NLRP7: variants seen among roughly 807,000 people sequenced by gnomAD.
The protein encoded by NLRP7 is NLR family pyrin domain containing 7, also known as NACHT, LRR and PYD domains-containing protein 7.
Under a neutral mutation model 85.5 loss-of-function variants are expected in NLRP7, and 72 were observed. That is an observed-to-expected ratio of 0.84 (90% CI 0.70 to 1.02). The LOEUF is 1.02. Among genes scored for constraint, NLRP7 ranks in the 50% least tolerant of loss-of-function variants. The probability of loss-of-function intolerance (pLI) is 0.00; values close to 1 mark genes in which losing one functional copy is unlikely to be tolerated. For synonymous variants in NLRP7, 550 were observed against 505.2 expected (o/e 1.09, Z -1.19); for missense variants, 1,243 against 1,219.5 (o/e 1.02, Z -0.29).
chr19:54,930,872 A>G (rs1444536780), intron 8 of NLRP7, among the ~76,000 whole-genome samples: 3 of 151,978 alleles, frequency 2.0e-5, no homozygotes, highest in Non-Finnish European at 2.9e-5. Flanking sequence ...CCCGCCACCT[A>G]TATAACCAGA....
At chr19:54,951,234 C>T (rs117167146), upstream of NLRP7, among the ~76,000 whole-genome samples, 1,304 of 152,254 alleles carry the variant, frequency 8.6e-3, 8 homozygotes, top group Non-Finnish European at 0.013. Context: ...TCTGATCTCT[C>T]TTTCTTTTCC....
intron 1 of NLRP7, 40 bp from the exon 2 acceptor site, chr19:54,941,790 C>T (rs1185586298): frequency 6.8e-7 from 1 of 1,459,996 alleles, no homozygotes; most frequent in Non-Finnish European, 9.3e-7. Context: ...GAGTTACCAT[C>T]ATTAAATGAA....
At position 54,940,927 on chromosome 19, in the gene NLRP7, C is replaced by T. The variant is rs767524057; in HGVS notation, c.352+4G>A. On this transcript the variant is annotated splice_donor_region_variant and intron_variant, in intron 3 of 9. Coordinates refer to ENST00000340844, the Ensembl canonical transcript of NLRP7. ...CTCATGACCATAGGACCGTATTTACCCACCTGGCTTTGCTAACTCCGAGTC... is the reference window on the plus strand; with the variant it reads ...CTCATGACCATAGGACCGTATTTACTCACCTGGCTTTGCTAACTCCGAGTC... The T allele has an allele frequency of 4.4e-6, 7 of 1,588,126 alleles. No individual in the cohort carries two copies. The highest frequency in any genetic ancestry group is 4.3e-6 in the Non-Finnish European group (5 of 1,156,324).
intron 1 of NLRP7, among the ~76,000 whole-genome samples, chr19:54,944,967 C>T (rs1480139101): frequency 1.3e-5 from 2 of 151,720 alleles, no homozygotes; most frequent in South Asian, 2.1e-4. Context: ...TGGCCAGGCA[C>T]GGTGGCTCAC....
At chr19:54,930,796 A>G (rs2068644495) in intron 8 of NLRP7, 130 bp from the exon 9 acceptor site, 1 of 766,306 alleles carries the variant, frequency 1.3e-6, no homozygotes, top group Non-Finnish European at 2.3e-6. Flanking sequence ...GCTCACTGCA[A>G]CCTCTGCCTC....
intron 4 of NLRP7, among the ~76,000 whole-genome samples, 189 bp from the exon 5 acceptor site, chr19:54,938,430 A>C (rs1222734438): frequency 6.6e-6 from 1 of 152,182 alleles, no homozygotes. Context: ...AAAAAAATAA[A>C]ATAATAGATA....
In NLRP7 at chr19:54,941,429, A is replaced by T; in HGVS notation, c.277+6T>A. On this transcript the variant is annotated splice_donor_region_variant and intron_variant, in intron 2 of 9. Coordinates refer to ENST00000340844, the Ensembl canonical transcript of NLRP7. ...AAATGACCAGGACACCCCAGGTTCT[A>T]CTTACCCATCATCTCAGCCTTTGCC... 6.5e-7 allele frequency: 1 copy of T among 1,533,110 alleles called. No homozygotes were observed. The highest frequency in any genetic ancestry group is 9.0e-7 in the Non-Finnish European group (1 of 1,109,436). 95.0% of individuals were successfully genotyped at this position (1,533,110 alleles called of 1,614,324 possible). A position where few individuals can be genotyped will look rare whatever the true frequency, so the allele number is the denominator to read the frequency against.
At chr19:54,961,536 T>G (rs974844162) in intron 1 of NLRP7, among the ~76,000 whole-genome samples, 2 of 150,136 alleles carry the variant, frequency 1.3e-5, no homozygotes, top group Admixed American at 1.3e-4. Flanking sequence ...AAATACAAAT[T>G]TTTTAAAAAA....
intron 5 of NLRP7, among the ~76,000 whole-genome samples, 160 bp downstream of exon 5, chr19:54,937,884 T>A (rs527648775): frequency 9.1e-5 from 6 of 65,918 alleles, no homozygotes; most frequent in African/African-American, 2.8e-4. Flanking sequence ...GCAACAAGAG[T>A]AAATCTCCGT....
chr19:54,927,313 G>A (rs1204195162), intron 9 of NLRP7, among the ~76,000 whole-genome samples: 6 of 151,108 alleles, frequency 4.0e-5, no homozygotes, highest in Non-Finnish European at 7.4e-5. Context: ...CCCAGGAGGT[G>A]GGGGTTGCAG....
chr19:54,941,789 T>C, intron 1 of NLRP7, 39 bp from the exon 2 acceptor site: 1 of 1,462,438 alleles, frequency 6.8e-7, no homozygotes. Context: ...CGAGTTACCA[T>C]CATTAAATGA....
intron 8 of NLRP7, among the ~76,000 whole-genome samples, chr19:54,933,208 C>T (rs1402200405): frequency 2.0e-5 from 3 of 152,060 alleles, no homozygotes; most frequent in Non-Finnish European, 4.4e-5. Flanking sequence ...TGCAGTGGTG[C>T]GATCTCGGCT....
rs111957077 is a variant in NLRP7 at position 54,945,135 on chromosome 19, T to C, written c.-40+2334A>G. Among the ~76,000 whole-genome samples the C allele has an allele frequency of 4.0e-5, 6 of 148,440 alleles. No individual in the cohort carries two copies. In the East Asian group the frequency reaches 8.1e-4, roughly 20 times the overall value. On this transcript the variant is annotated intron_variant, in intron 1 of 9. Coordinates refer to ENST00000340844, the Ensembl canonical transcript of NLRP7. ...GCGGGCGCCTGTAGTCCCAGCTACT[T>C]GGGAGGCTGAGGCAGGAGAATGGCT...
At chr19:54,962,494 C>T (rs144232511) in intron 1 of NLRP7, among the ~76,000 whole-genome samples, 1,791 of 151,716 alleles carry the variant, frequency 0.012, 44 homozygotes, top group African/African-American at 0.041. Flanking sequence ...TGATCTCGAA[C>T]TCCTGACCTC....
At chr19:54,937,919 A>AAT in intron 5 of NLRP7, 125 bp downstream of exon 5, 2 of 783,506 alleles carry the variant, frequency 2.6e-6, no homozygotes, top group Non-Finnish European at 4.3e-6. Context: ...AAAAAAAAAA[A>AAT]AAGACAGCTG....
At chr19:54,959,380 A>T (rs367848410) in intron 1 of NLRP7, among the ~76,000 whole-genome samples, 19 of 148,912 alleles carry the variant, frequency 1.3e-4, no homozygotes, top group African/African-American at 4.7e-4. Context: ...CTTGTGATCC[A>T]CCCGCCTTGG....
intron 1 of NLRP7, among the ~76,000 whole-genome samples, chr19:54,942,925 T>C (rs1263692644): frequency 6.6e-6 from 1 of 151,590 alleles, no homozygotes; most frequent in Non-Finnish European, 1.5e-5. Flanking sequence ...GGCAGGTGGA[T>C]CGCCTGATGT....
chr19:54,950,844 T>G (rs536547817), upstream of NLRP7, among the ~76,000 whole-genome samples: 1 of 152,316 alleles, frequency 6.6e-6, no homozygotes, highest in Admixed American at 6.5e-5. Flanking sequence ...GGTGTCGGGC[T>G]GAGGGACGGT....
In NLRP7 at chr19:54,931,010, G is replaced by A. The variant is rs528535461; in HGVS notation, c.2643-344C>T. On this transcript the variant is annotated intron_variant, in intron 8 of 9. Transcript: ENST00000340844. ...TGCACTCCAGCCCGGGCGACAGAGC[G>A]AGACTCCGTCTCAAGAAAACAACAA... Among the ~76,000 whole-genome samples the A allele has an allele frequency of 3.8e-3, 584 of 152,124 alleles. 4 individuals are homozygous for A. The highest frequency in any genetic ancestry group is 0.013 in the African/African-American group (549 of 41,570).
Sources: allele counts gnomAD v4.1 joint callset (sites outside exome capture counted in the v4.1 genomes callset), GRCh38; gene constraint gnomAD v4.1.1; transcripts MANE v1.5; gene names NCBI Gene and HGNC (gene_info 2026-07-23, HGNC 2026-07-21).